Variants in CHLSN observed in about 807,000 individuals in gnomAD.
CHLSN encodes protein cholesin.
chr7:1,015,779 A>G, the CHLSN span, among the ~76,000 whole-genome samples: 1 of 151,926 alleles, frequency 6.6e-6, no homozygotes, highest in Non-Finnish European at 1.5e-5. Flanking sequence ...GCGCATCCCA[A>G]CACCCAGCCC....
chr7:1,063,220 G>A, the CHLSN span, among the ~76,000 whole-genome samples: 1 of 152,216 alleles, frequency 6.6e-6, no homozygotes, highest in East Asian at 1.9e-4. Flanking sequence ...GCTTCCACGC[G>A]ACGCTGTCCC....
the CHLSN span, among the ~76,000 whole-genome samples, chr7:1,041,890 C>T: frequency 7.9e-5 from 12 of 152,072 alleles, no homozygotes; most frequent in Admixed American, 1.3e-4. Context: ...CCCTGGGTGG[C>T]GTGCAGCTGA....
chr7:1,092,096 A>T, the CHLSN span: 1 of 1,613,880 alleles, frequency 6.2e-7, no homozygotes, highest in Non-Finnish European at 8.5e-7. Flanking sequence ...CACGAGCGGT[A>T]CTACGACATC....
the CHLSN span, among the ~76,000 whole-genome samples, chr7:1,002,321 TCCTGTGGGTGTGGAGC>T: frequency 3.0e-5 from 3 of 99,074 alleles, no homozygotes; most frequent in Non-Finnish European, 4.0e-5. Context: ...GGGTAGGGAA[TCCTGTGGGTGTGGAGC>T]CCTGTGGGTG....
chr7:1,036,751 A>C, the CHLSN span, among the ~76,000 whole-genome samples: 1 of 121,886 alleles, frequency 8.2e-6, no homozygotes, highest in African/African-American at 2.6e-5. Context: ...GGGTGGGGAG[A>C]CCAAACAAGA....
chr7:1,010,757 A>C, the CHLSN span, among the ~76,000 whole-genome samples: 1 of 152,238 alleles, frequency 6.6e-6, no homozygotes, highest in Admixed American at 6.5e-5. Context: ...CCCTCCCCTC[A>C]TTAACAAAAG....
At chr7:1,026,520 G>A in the CHLSN span, 1 of 152,226 alleles carries the variant, frequency 6.6e-6, no homozygotes, top group Non-Finnish European at 1.5e-5. Context: ...TCTAAGACAG[G>A]CAGGCAGCTC....
At chr7:997,301 C>T in the CHLSN span, 1 of 296,464 alleles carries the variant, frequency 3.4e-6, no homozygotes, top group Non-Finnish European at 6.2e-6. Flanking sequence ...AGACATTTCC[C>T]TCCAAAGCAG....
At chr7:1,027,370 C>G in the CHLSN span, among the ~76,000 whole-genome samples, 13 of 152,252 alleles carry the variant, frequency 8.5e-5, no homozygotes, top group Non-Finnish European at 1.8e-4. Context: ...CGTGTCCGTG[C>G]GGACGCCTGG....
the CHLSN span, chr7:1,092,846 G>C: frequency 6.2e-7 from 1 of 1,612,224 alleles, no homozygotes; most frequent in African/African-American, 1.3e-5. Context: ...AGGTTCAGCA[G>C]TGCCGTGTAG....
chr7:1,062,576 C>G, the CHLSN span, among the ~76,000 whole-genome samples: 1 of 152,176 alleles, frequency 6.6e-6, no homozygotes, highest in Admixed American at 6.5e-5. Flanking sequence ...AGGAGCAGGC[C>G]TGCCCCACAC....
the CHLSN span, among the ~76,000 whole-genome samples, chr7:1,077,398 G>A: frequency 2.6e-5 from 4 of 152,128 alleles, no homozygotes; most frequent in Admixed American, 2.0e-4. Context: ...CTTGTGATCC[G>A]CCCGCCTCGG....
chr7:1,126,588 G>A, the CHLSN span, among the ~76,000 whole-genome samples: 1 of 151,222 alleles, frequency 6.6e-6, no homozygotes, highest in East Asian at 2.0e-4. Flanking sequence ...GGCCGAGGCA[G>A]GAAAATCGCT....
the CHLSN span, among the ~76,000 whole-genome samples, chr7:1,113,384 G>A: frequency 6.6e-5 from 10 of 152,172 alleles, no homozygotes; most frequent in African/African-American, 1.2e-4. Context: ...AGAAGGCGCC[G>A]CCCGGGCAGC....
the CHLSN span, among the ~76,000 whole-genome samples, chr7:1,048,625 A>C: frequency 1.3e-5 from 2 of 152,184 alleles, no homozygotes; most frequent in Admixed American, 1.3e-4. Flanking sequence ...GCTCACAGAC[A>C]TTCATTATTA....
chr7:1,038,347 G>T, the CHLSN span, among the ~76,000 whole-genome samples: 3 of 99,780 alleles, frequency 3.0e-5, 1 homozygote. Flanking sequence ...CGTCCGGGAG[G>T]TGAGGGGTGC....
chr7:999,779 G>A, the CHLSN span, among the ~76,000 whole-genome samples: 286 of 152,314 alleles, frequency 1.9e-3, no homozygotes, highest in Non-Finnish European at 2.9e-3. Flanking sequence ...GAGAGCCAGC[G>A]AGGCAGGAGG....
At chr7:1,121,001 G>C in the CHLSN span, among the ~76,000 whole-genome samples, 1 of 151,788 alleles carries the variant, frequency 6.6e-6, no homozygotes, top group African/African-American at 2.4e-5. Context: ...CCCCAAAAAC[G>C]AATGGACATG....
At chr7:1,017,808 C>G in the CHLSN span, among the ~76,000 whole-genome samples, 1 of 152,344 alleles carries the variant, frequency 6.6e-6, no homozygotes, top group South Asian at 2.1e-4. Context: ...CCCCGCCCCC[C>G]ACTGCACACA....
Sources: gnomAD v4.1 joint callset for allele counts (sites outside exome capture counted in the v4.1 genomes callset) on GRCh38, gnomAD v4.1.1 for gene constraint, MANE v1.5 for transcripts, NCBI Gene and HGNC (gene_info 2026-07-23, HGNC 2026-07-21) for gene names.